Variants in ZDHHC13 observed in about 807,000 individuals in gnomAD.
ZDHHC13 encodes the protein palmitoyltransferase ZDHHC13.
Under a neutral mutation model 86.0 loss-of-function variants are expected in ZDHHC13, and 85 were observed. That is an observed-to-expected ratio of 0.99 (90% CI 0.83 to 1.18). ZDHHC13 has a LOEUF of 1.18. Among genes scored for constraint, ZDHHC13 ranks in the 50% most tolerant of loss-of-function variants. The pLI, the probability that ZDHHC13 is intolerant of heterozygous loss-of-function variation, is 0.00. For synonymous variants in ZDHHC13, 263 were observed against 246.4 expected (o/e 1.07, Z -0.63); for missense variants, 711 against 730.2 (o/e 0.97, Z 0.30).
intron 9 of ZDHHC13, among the ~76,000 whole-genome samples, chr11:19,156,969 C>T (rs187388336): frequency 2.6e-3 from 391 of 152,348 alleles, no homozygotes; most frequent in African/African-American, 8.8e-3. Context: ...CCCTCCCCAG[C>T]GACTTCCTCT....
At chr11:19,147,726 C>A in intron 4 of ZDHHC13, 53 bp downstream of exon 4, 2 of 1,312,970 alleles carry the variant, frequency 1.5e-6, no homozygotes, top group Non-Finnish European at 2.1e-6. Flanking sequence ...CTAGTGGTCA[C>A]CATATAAAAA....
At chr11:19,133,624 G>A (rs1849052759) in intron 1 of ZDHHC13, among the ~76,000 whole-genome samples, 1 of 151,896 alleles carries the variant, frequency 6.6e-6, no homozygotes, top group Non-Finnish European at 1.5e-5. Context: ...CTAATGTTAA[G>A]CAAAACAAAT....
chr11:19,160,262 G>A (rs1849873944), intron 10 of ZDHHC13, among the ~76,000 whole-genome samples: 1 of 151,788 alleles, frequency 6.6e-6, no homozygotes, highest in African/African-American at 2.4e-5. Flanking sequence ...ATACATTGGG[G>A]CCATTTGGCT....
At chr11:19,132,503 C>T (rs1349925243) in intron 1 of ZDHHC13, among the ~76,000 whole-genome samples, 1 of 152,190 alleles carries the variant, frequency 6.6e-6, no homozygotes, top group African/African-American at 2.4e-5. Flanking sequence ...TCCCTGTATA[C>T]ATTACTTGTC....
At position 19,171,459 on chromosome 11, in the gene ZDHHC13, GAGGA is replaced by G. The variant is rs1265750723; in HGVS notation, c.1632+895_1632+898del. Among the ~76,000 whole-genome samples the G allele has an allele frequency of 2.6e-5, 4 of 152,202 alleles. No homozygotes were observed. In the East Asian group the frequency reaches 7.7e-4, roughly 29 times the overall value. On this transcript the variant is annotated intron_variant, in intron 15 of 16. Coordinates refer to ENST00000446113, the MANE Select transcript of ZDHHC13 (RefSeq NM_019028.3). ...ATGATAATAATAACAAGAAGAGAAG[GAGGA>G]AGGGAGGGAAAAAGAAAGAAAGAGA...
intron 1 of ZDHHC13, among the ~76,000 whole-genome samples, chr11:19,139,989 C>G (rs1199576145): frequency 1.4e-4 from 21 of 149,452 alleles, no homozygotes; most frequent in Non-Finnish European, 7.4e-5. Flanking sequence ...CATTACCATT[C>G]AGGACATAGG....
intron 4 of ZDHHC13, chr11:19,148,645 G>A (rs1272346521): frequency 3.3e-5 from 5 of 152,206 alleles, no homozygotes; most frequent in Admixed American, 6.5e-5. Context: ...AGATTGGGAA[G>A]TTATCAAGTT....
At position 19,117,382 on chromosome 11, in the gene ZDHHC13, A is replaced by T; in HGVS notation, c.27+106A>T. ...GGCCGCTCGATGAGGGGGTTTCGGG[A>T]GCGGCGGGGCCTAGGTCTGGGAAGC... On this transcript the variant is annotated intron_variant, in intron 1 of 16. Coordinates refer to ENST00000446113, the MANE Select transcript of ZDHHC13 (RefSeq NM_019028.3). This position sits in a 1 kb window ranked among gnomAD's most constrained non-coding sequence, Gnocchi z 4.2. 1 of 1,204,946 alleles carries T rather than the reference A, an allele frequency of 8.3e-7. No homozygotes were observed. The highest frequency in any genetic ancestry group is 1.1e-6 in the Non-Finnish European group (1 of 909,830). The allele number at this position is 1,204,946 out of a possible 1,614,324, so 74.6% of individuals were successfully genotyped here.
At position 19,150,430 on chromosome 11, in the gene ZDHHC13, A is replaced by G. The variant is rs528272936; in HGVS notation, c.520-297A>G. On this transcript the variant is annotated intron_variant, in intron 5 of 16. Coordinates refer to ENST00000446113, the MANE Select transcript of ZDHHC13 (RefSeq NM_019028.3). Reference sequence around the variant, plus strand: ...CAACTAGGTGACTTTTAAGGTCTCTACCATCTCTTGTATTTGATGGTAGCT... The same window carrying G: ...CAACTAGGTGACTTTTAAGGTCTCTGCCATCTCTTGTATTTGATGGTAGCT... Among the ~76,000 whole-genome samples, 5 of 152,036 alleles carry G rather than the reference A, an allele frequency of 3.3e-5. No individual in the cohort carries two copies. In the East Asian group the frequency reaches 7.8e-4, roughly 24 times the overall value.
At chr11:19,171,309 TGGGCAGCA>T (rs1850214871) in intron 15 of ZDHHC13, among the ~76,000 whole-genome samples, 1 of 152,172 alleles carries the variant, frequency 6.6e-6, no homozygotes, top group Non-Finnish European at 1.5e-5. Flanking sequence ...CCATGTGGAA[TGGGCAGCA>T]GGTGGTCATC....
rs760368126 is a variant in ZDHHC13 at position 19,152,667 on chromosome 11, T to C, written c.856T>C (p.Trp286Arg). Reference sequence around the variant, plus strand: ...CAACCAAAAGTTCAGACTTTGGAGGTGGCTGCAGAAATGCGAGGTATTTTC... The same window carrying C: ...CAACCAAAAGTTCAGACTTTGGAGGCGGCTGCAGAAATGCGAGGTATTTTC... ...RANQKFRLWR[W>R]LQKCELFLLL... Residue 286 changes from tryptophan to arginine, a missense_variant, in exon 8 of 17, where the codon TGG becomes CGG. By Grantham distance (101) the Trp-to-Arg change is moderately radical. Transcript: ENST00000446113. 14 of 1,613,066 alleles carry C rather than the reference T, an allele frequency of 8.7e-6. No individual in the cohort carries two copies. The South Asian group carries it at 1.5e-4, about 18-fold the overall frequency.
chr11:19,129,703 AT>A (rs1848947871), intron 1 of ZDHHC13, among the ~76,000 whole-genome samples: 1 of 151,788 alleles, frequency 6.6e-6, no homozygotes, highest in Non-Finnish European at 1.5e-5. Flanking sequence ...TTTGTTTAGG[AT>A]TTTTGTATCT....
chr11:19,124,174 A>G (rs1225298804), intron 1 of ZDHHC13, among the ~76,000 whole-genome samples: 2 of 152,122 alleles, frequency 1.3e-5, no homozygotes, highest in African/African-American at 2.4e-5. Flanking sequence ...AACAATAGTG[A>G]AATATTACTG....
At position 19,166,402 on chromosome 11, in the gene ZDHHC13, C is replaced by T; in HGVS notation, c.1474+17C>T. 3.1e-6 allele frequency: 5 copies of T among 1,594,378 alleles called. No individual in the cohort carries two copies. The highest frequency in any genetic ancestry group is 4.3e-6 in the Non-Finnish European group (5 of 1,167,860). On this transcript the variant is annotated intron_variant, in intron 14 of 16. Transcript: ENST00000446113. ...CTTTCATCTGTAAGTGTAAATTTTTCTTACAACAAGCACATACATCTACAC... is the reference window on the plus strand; with the variant it reads ...CTTTCATCTGTAAGTGTAAATTTTTTTTACAACAAGCACATACATCTACAC...
intron 1 of ZDHHC13, among the ~76,000 whole-genome samples, chr11:19,125,102 A>G (rs1848845455): frequency 6.6e-6 from 1 of 152,210 alleles, no homozygotes; most frequent in South Asian, 2.1e-4. Flanking sequence ...ACAATCCATA[A>G]AAGAACAAAT....
At chr11:19,160,255 C>T (rs1849873646) in intron 10 of ZDHHC13, among the ~76,000 whole-genome samples, 1 of 151,914 alleles carries the variant, frequency 6.6e-6, no homozygotes, top group African/African-American at 2.4e-5. Flanking sequence ...GCACAGCATA[C>T]ATTGGGGCCA....
chr11:19,170,508 G>C lies in ZDHHC13; in HGVS notation c.1572G>C (p.Leu524Phe). 1 of 1,512,812 alleles carries C rather than the reference G, an allele frequency of 6.6e-7. No homozygotes were observed. The highest frequency in any genetic ancestry group is 1.3e-5 in the South Asian group (1 of 78,330). The allele number at this position is 1,512,812 out of a possible 1,614,324, so 93.7% of individuals were successfully genotyped here. ...GTTCCCCTTGGGTTTTATATATCTT[G>C]ATGCTAGCAACTTTCCATTTCTCAT... ...VACSPWVLYI[L>F]MLATFHFSWS... is the part of the protein sequence containing the mutation. The change falls in exon 15 of 17, where the codon TTG (leucine) becomes TTC (phenylalanine). Residue 524 changes from leucine to phenylalanine, a missense_variant. Coordinates refer to ENST00000446113, the MANE Select transcript of ZDHHC13 (RefSeq NM_019028.3).
Position 19,152,294 on chromosome 11 carries a change from T to C in ZDHHC13, c.721T>C (p.Ser241Pro), listed in dbSNP as rs368550381. Residue 241 changes from serine (S) to proline (P), a missense_variant, in exon 7 of 17, where the codon TCT (serine) becomes CCT (proline). Coordinates refer to ENST00000446113, the MANE Select transcript of ZDHHC13 (RefSeq NM_019028.3). Reference protein sequence around the residue: ...NAVDKLLEAGSSLDIQNVKGE... With the variant: ...NAVDKLLEAGPSLDIQNVKGE... Reference sequence around the variant, plus strand: ...AGTTGATAAGCTTTTGGAAGCTGGTTCTAGCCTGGATATCCAGAATGTTAA... The same window carrying C: ...AGTTGATAAGCTTTTGGAAGCTGGTCCTAGCCTGGATATCCAGAATGTTAA... The C allele has an allele frequency of 1.9e-6, 3 of 1,613,168 alleles. No individual in the cohort carries two copies. The highest frequency in any genetic ancestry group is 2.7e-5 in the African/African-American group (2 of 74,902).
At chr11:19,141,817 C>T (rs564021847) in intron 1 of ZDHHC13, among the ~76,000 whole-genome samples, 1 of 152,056 alleles carries the variant, frequency 6.6e-6, no homozygotes, top group African/African-American at 2.4e-5. Context: ...TTTAGCTTGC[C>T]ATGTGCTGCT....
Sources: gnomAD v4.1 joint callset for allele counts (sites outside exome capture counted in the v4.1 genomes callset) on GRCh38, gnomAD v4.1.1 for gene constraint, Gnocchi (gnomAD v3.1) non-coding constraint, MANE v1.5 for transcripts, NCBI Gene and HGNC (gene_info 2026-07-23, HGNC 2026-07-21) for gene names.